The following PCDHGA6 variants were observed in gnomAD, a reference collection of about 807,000 sequenced individuals.
The protein encoded by PCDHGA6 is protocadherin gamma subfamily A, 6.
A neutral mutation model predicts 60.6 loss-of-function variants in PCDHGA6; 41 were observed. That is an observed-to-expected ratio of 0.68 (90% CI 0.53 to 0.88). The LOEUF is 0.88. Ranked by LOEUF, PCDHGA6 falls within the 40% of genes least tolerant of loss-of-function variation. The pLI is 0.00. For synonymous variants in PCDHGA6, 594 were observed against 524.4 expected, an observed-to-expected ratio of 1.13 and a Z score of -1.81; for missense variants, 1,312 against 1,203.0, an observed-to-expected ratio of 1.09 and a Z score of -1.34.
chr5:141,408,770 A>G, intron 1 of PCDHGA6: 1 of 1,611,540 alleles, frequency 6.2e-7, no homozygotes. Flanking sequence ...CGATGGTGGC[A>G]AATACCCAGA....
At chr5:141,392,575 T>C (rs1185769260) in intron 1 of PCDHGA6, 2 of 459,466 alleles carry the variant, frequency 4.4e-6, no homozygotes, top group Non-Finnish European at 7.7e-6. Flanking sequence ...TATTTAGGAC[T>C]GTAAGCGCCG....
intron 1 of PCDHGA6, among the ~76,000 whole-genome samples, chr5:141,469,045 G>C (rs35157158): frequency 1.4e-3 from 207 of 152,234 alleles, no homozygotes; most frequent in Middle Eastern, 0.01. Flanking sequence ...GGGAGGCCAA[G>C]GTGGGAGGAT....
At chr5:141,427,944 A>C (rs780874108) in intron 1 of PCDHGA6, 63 of 1,586,294 alleles carry the variant, frequency 4.0e-5, no homozygotes, top group Non-Finnish European at 8.6e-6. Context: ...GGGCGACCTC[A>C]ATGACAATGT....
intron 1 of PCDHGA6, chr5:141,478,344 A>G: frequency 6.2e-7 from 1 of 1,613,882 alleles, no homozygotes; most frequent in Non-Finnish European, 8.5e-7. Context: ...CCCTCCTTGC[A>G]CGCGGACGCC....
chr5:141,423,121 G>T lies in PCDHGA6; in HGVS notation c.2424+46614G>T, dbSNP rs368205535. The T allele has an allele frequency of 5.6e-6, 9 of 1,613,680 alleles. No homozygotes were observed. The African/African-American group carries it at 1.1e-4, about 19-fold the overall frequency. ...CACGGGCGAGGTGCGTACAGCGCGG[G>T]CACTGCTGGACAGAGACGCGCTCAA... On this transcript the variant is annotated intron_variant, in intron 1 of 3. Coordinates refer to ENST00000517434, the MANE Select transcript of PCDHGA6 (RefSeq NM_018919.3).
At chr5:141,448,984 A>C (rs2098621334) in intron 1 of PCDHGA6, among the ~76,000 whole-genome samples, 1 of 152,086 alleles carries the variant, frequency 6.6e-6, no homozygotes, top group Non-Finnish European at 1.5e-5. Context: ...CTTCCATATT[A>C]ATATATAGAA....
chr5:141,388,592 T>C (rs1435796614), intron 1 of PCDHGA6: 1 of 1,613,880 alleles, frequency 6.2e-7, no homozygotes, highest in Non-Finnish European at 8.5e-7. Context: ...CTGATGCCAA[T>C]GATAATGCTC....
intron 1 of PCDHGA6, among the ~76,000 whole-genome samples, chr5:141,488,697 A>T (rs1337725245): frequency 6.6e-6 from 1 of 152,162 alleles, no homozygotes; most frequent in Non-Finnish European, 1.5e-5. Context: ...GAAGGACAAG[A>T]TTTTGCTGGT....
In PCDHGA6 at chr5:141,477,380, G is replaced by C; in HGVS notation, c.2425-17427G>C. The C allele has an allele frequency of 6.2e-7, 1 of 1,614,116 alleles. No homozygotes were observed. The highest frequency in any genetic ancestry group is 8.5e-7 in the Non-Finnish European group (1 of 1,180,028). On this transcript the variant is annotated intron_variant, in intron 1 of 3. Transcript: ENST00000517434. The surrounding 1 kb of genome is among the most constrained non-coding windows in gnomAD (Gnocchi z 4.9). ...AGACCTGGATCGGGAGACTGTGCCA[G>C]AATACAACCTCAGCATCACCGCCCG...
At chr5:141,424,717 T>G (rs914445969) in intron 1 of PCDHGA6, 1 of 152,202 alleles carries the variant, frequency 6.6e-6, no homozygotes, top group Non-Finnish European at 1.5e-5. Context: ...TCAGTGTAGT[T>G]GGGAGTCATA....
At chr5:141,400,511 C>T (rs1456963604) in intron 1 of PCDHGA6, 2 of 1,613,824 alleles carry the variant, frequency 1.2e-6, no homozygotes, top group Admixed American at 3.3e-5. Flanking sequence ...GAGTCGACTT[C>T]CCATCCTGAG....
Position 141,491,793 on chromosome 5 carries a change from C to T in PCDHGA6, c.2425-3014C>T, listed in dbSNP as rs2099730341. 4.0e-6 allele frequency: 6 copies of T among 1,511,410 alleles called. No individual in the cohort carries two copies. Among genetic ancestry groups the T allele is most frequent in the East Asian group, 2.5e-5 (1 of 40,660 alleles). The allele number at this position is 1,511,410 out of a possible 1,614,324, so 93.6% of individuals were successfully genotyped here. A position where few individuals can be genotyped will look rare whatever the true frequency, so the allele number is the denominator to read the frequency against. On this transcript the variant is annotated intron_variant, in intron 1 of 3. Transcript: ENST00000517434. This position sits in a 1 kb window ranked among gnomAD's most constrained non-coding sequence, Gnocchi z 6.9. ...AGGGATTGAACTTGCATCCACTCCT[C>T]TCCGGCCGGCTTGGTCGCTGGCTGC...
intron 1 of PCDHGA6, among the ~76,000 whole-genome samples, chr5:141,488,350 C>G (rs1191478919): frequency 6.6e-6 from 1 of 152,176 alleles, no homozygotes; most frequent in Non-Finnish European, 1.5e-5. Context: ...GAAACAGCCA[C>G]CCTGTGCATC....
intron 1 of PCDHGA6, among the ~76,000 whole-genome samples, chr5:141,449,339 G>T (rs1307731679): frequency 6.6e-6 from 1 of 151,930 alleles, no homozygotes; most frequent in Non-Finnish European, 1.5e-5. Context: ...AGGTGCAGTG[G>T]CTCACTCCTG....
chr5:141,438,681 G>T (rs2098050580), intron 1 of PCDHGA6, among the ~76,000 whole-genome samples: 1 of 142,154 alleles, frequency 7.0e-6, no homozygotes, highest in South Asian at 2.3e-4. Context: ...TGGAGTAGGG[G>T]ATGGAGTCTT....
chr5:141,393,526 A>G, intron 1 of PCDHGA6: 3 of 1,613,974 alleles, frequency 1.9e-6, no homozygotes, highest in East Asian at 2.2e-5. Context: ...ACAAATGACA[A>G]TGCCCCGGTT....
At position 141,385,515 on chromosome 5, in the gene PCDHGA6, C is replaced by A. The variant is rs549682834; in HGVS notation, c.2424+9008C>A. On this transcript the variant is annotated intron_variant, in intron 1 of 3. Coordinates refer to ENST00000517434, the MANE Select transcript of PCDHGA6 (RefSeq NM_018919.3). ...GGATATAGTATTTCTTTAGTGAAAG[C>A]CTATGGACAAGATTATGAATATGTG... The A allele has an allele frequency of 5.6e-5, 76 of 1,362,798 alleles. No homozygotes were observed. The East Asian group carries it at 1.7e-3, about 31-fold the overall frequency. 84.4% of individuals were successfully genotyped at this position (1,362,798 alleles called of 1,614,324 possible).
chr5:141,427,881 C>A, intron 1 of PCDHGA6: 1 of 1,563,720 alleles, frequency 6.4e-7, no homozygotes, highest in African/African-American at 1.3e-5. Context: ...GATGCAGGCC[C>A]ACGACCAGGG....
rs978973236 is a variant in PCDHGA6, at chr5:141,399,545, C to G, written c.2424+23038C>G. 8 of 1,614,050 alleles carry G rather than the reference C, an allele frequency of 5.0e-6. No homozygotes were observed. In the South Asian group the frequency reaches 6.6e-5, roughly 13 times the overall value. ...GCCTCCATCGCGCAAGTCTGCGCCT[C>G]GGACCTGGACTTGGGGTTGAACGGC... On this transcript the variant is annotated intron_variant, in intron 1 of 3. Transcript: ENST00000517434.
Sources: allele counts gnomAD v4.1 joint callset (sites outside exome capture counted in the v4.1 genomes callset), GRCh38; gene constraint gnomAD v4.1.1; non-coding constraint Gnocchi (gnomAD v3.1); transcripts MANE v1.5; gene names NCBI Gene and HGNC (gene_info 2026-07-23, HGNC 2026-07-21).